The following GSE1 variants were observed in gnomAD, a reference collection of about 807,000 sequenced individuals.
The protein encoded by GSE1 is Gse1 coiled-coil protein, also known as genetic suppressor element 1.
A neutral mutation model predicts 112.6 loss-of-function variants in GSE1; 32 were observed. The observed-to-expected ratio is 0.28, with a 90% CI of 0.21 to 0.38. GSE1 has a LOEUF of 0.38. Ranked by LOEUF, GSE1 falls within the 10% of genes least tolerant of loss-of-function variation. GSE1 has a pLI of 1.00. For missense variants in GSE1, 2,348 were observed against 1,699.2 expected, an observed-to-expected ratio of 1.38 and a Z score of -6.71; for synonymous variants, 1,115 against 735.6, an observed-to-expected ratio of 1.52 and a Z score of -8.35.
chr16:85,478,381 G>A (rs2050528585), intron 2 of GSE1, among the ~76,000 whole-genome samples: 1 of 152,030 alleles, frequency 6.6e-6, no homozygotes, highest in South Asian at 2.1e-4. Context: ...ACAAAAATTA[G>A]CCAGGTATGG....
chr16:85,565,322 C>T (rs539874192), intron 1 of GSE1, among the ~76,000 whole-genome samples: 90 of 150,214 alleles, frequency 6.0e-4, no homozygotes, highest in Middle Eastern at 3.4e-3. Context: ...AACCTGGGAG[C>T]GGAGGTTGCA....
At chr16:85,519,630 ACCAGTCT>A (rs2052102430) in intron 2 of GSE1, among the ~76,000 whole-genome samples, 1 of 151,496 alleles carries the variant, frequency 6.6e-6, no homozygotes, top group Non-Finnish European at 1.5e-5. Context: ...CACCACCATC[ACCAGTCT>A]CCATCATCAT....
At chr16:85,652,563 C>T (rs1244821976) in intron 3 of GSE1, among the ~76,000 whole-genome samples, 1 of 152,144 alleles carries the variant, frequency 6.6e-6, no homozygotes, top group Non-Finnish European at 1.5e-5. Flanking sequence ...GCGGCGGCGG[C>T]GGCTCCTCCA....
chr16:85,641,988 C>G (rs557602237), intron 2 of GSE1, among the ~76,000 whole-genome samples: 2 of 152,372 alleles, frequency 1.3e-5, no homozygotes, highest in South Asian at 2.1e-4. Flanking sequence ...AGGAGCAGCC[C>G]TGGCAGACAC....
chr16:85,330,008 A>T (rs1376909413), intron 1 of GSE1, among the ~76,000 whole-genome samples: 1 of 152,120 alleles, frequency 6.6e-6, no homozygotes, highest in Non-Finnish European at 1.5e-5. Flanking sequence ...CCCCTGGCAG[A>T]TGCCCCTGCC....
chr16:85,609,371 C>T (rs932450233), upstream of GSE1, among the ~76,000 whole-genome samples: 1 of 152,234 alleles, frequency 6.6e-6, no homozygotes, highest in Admixed American at 6.5e-5. Flanking sequence ...GTAGCTGGGA[C>T]CACAGGCTTG....
chr16:85,649,177 G>A (rs576404517), intron 3 of GSE1, among the ~76,000 whole-genome samples: 30 of 152,212 alleles, frequency 2.0e-4, no homozygotes, highest in African/African-American at 7.0e-4. Flanking sequence ...CTGGTTTAGC[G>A]CCCACCCTAA....
chr16:85,498,667 C>T (rs1310634712), intron 2 of GSE1, among the ~76,000 whole-genome samples: 1 of 152,240 alleles, frequency 6.6e-6, no homozygotes, highest in East Asian at 1.9e-4. Flanking sequence ...CACACTCACA[C>T]GTGTATGCAC....
intron 2 of GSE1, among the ~76,000 whole-genome samples, chr16:85,478,211 C>G (rs1454162413): frequency 1.3e-5 from 2 of 152,138 alleles, no homozygotes; most frequent in Admixed American, 6.5e-5. Flanking sequence ...GTACTTCCTA[C>G]CTTCCTATGG....
intron 1 of GSE1, among the ~76,000 whole-genome samples, chr16:85,249,426 A>G (rs1163938332): frequency 3.9e-5 from 6 of 152,216 alleles, no homozygotes; most frequent in Non-Finnish European, 7.4e-5. Context: ...GCAGGCAGCA[A>G]CCCCGAGGTG....
intron 3 of GSE1, among the ~76,000 whole-genome samples, chr16:85,650,628 C>T (rs1048624120): frequency 1.3e-5 from 2 of 152,184 alleles, no homozygotes; most frequent in Non-Finnish European, 2.9e-5. Flanking sequence ...GCGACAGGCC[C>T]GCCCCAGCAG....
chr16:85,379,167 C>T (rs566647309), intron 2 of GSE1, among the ~76,000 whole-genome samples: 2 of 152,340 alleles, frequency 1.3e-5, no homozygotes, highest in South Asian at 4.1e-4. Context: ...TCCTCGATGG[C>T]TGCCCCTCCC....
At chr16:85,633,505 T>C (rs972738021) in intron 1 of GSE1, among the ~76,000 whole-genome samples, 5 of 152,104 alleles carry the variant, frequency 3.3e-5, no homozygotes, top group Non-Finnish European at 5.9e-5. Context: ...TCCACCAGCG[T>C]GTTTCTATCC....
intron 13 of GSE1, 145 bp from the exon 14 acceptor site, chr16:85,667,995 C>T (rs1405436078): frequency 3.2e-6 from 2 of 629,746 alleles, no homozygotes; most frequent in African/African-American, 1.9e-5. Flanking sequence ...GGCTAGGTCC[C>T]TCCTCTCTAC....
intron 2 of GSE1, among the ~76,000 whole-genome samples, chr16:85,465,047 G>A (rs2050085906): frequency 6.6e-6 from 1 of 152,246 alleles, no homozygotes; most frequent in Non-Finnish European, 1.5e-5. Context: ...GGAGAGGCTG[G>A]TGGGAGCCTG....
At chr16:85,596,434 G>A (rs570235029) in intron 1 of GSE1, among the ~76,000 whole-genome samples, 14 of 152,306 alleles carry the variant, frequency 9.2e-5, no homozygotes, top group South Asian at 8.3e-4. Flanking sequence ...GTGTGTGCTC[G>A]TGTGTTCTGG....
intron 1 of GSE1, among the ~76,000 whole-genome samples, chr16:85,621,356 G>T (rs2048731185): frequency 6.6e-6 from 1 of 152,250 alleles, no homozygotes; most frequent in African/African-American, 2.4e-5. Context: ...AAAAAGGTTT[G>T]TGTCCACCGC....
At chr16:85,572,095 A>G (rs961459669) in intron 1 of GSE1, among the ~76,000 whole-genome samples, 6 of 150,450 alleles carry the variant, frequency 4.0e-5, no homozygotes, top group Non-Finnish European at 7.4e-5. Context: ...CACCCCACAT[A>G]CCACACACAC....
chr16:85,320,839 T>C (rs1314306910), intron 1 of GSE1, among the ~76,000 whole-genome samples: 2 of 152,126 alleles, frequency 1.3e-5, no homozygotes, highest in Admixed American at 1.3e-4. Flanking sequence ...CTTCTTGCTA[T>C]TGCTCCACAG....
Sources: gnomAD v4.1 joint callset for allele counts (sites outside exome capture counted in the v4.1 genomes callset) on GRCh38, gnomAD v4.1.1 for gene constraint, MANE v1.5 for transcripts, NCBI Gene and HGNC (gene_info 2026-07-23, HGNC 2026-07-21) for gene names.